Variants in RIMS2 observed in about 807,000 individuals in gnomAD.
The protein encoded by RIMS2 is regulating synaptic membrane exocytosis protein 2.
In RIMS2, 59 loss-of-function variants were observed where a neutral mutation model predicts 174.4. The observed-to-expected ratio is 0.34, with a 90% CI of 0.27 to 0.42. RIMS2 has a LOEUF of 0.42. RIMS2 is among the 10% of genes least tolerant of loss of function. RIMS2 has a pLI of 1.00. For synonymous variants in RIMS2, 606 were observed against 572.5 expected, an observed-to-expected ratio of 1.06 and a Z score of -0.84; for missense variants, 1,620 against 1,666.3, an observed-to-expected ratio of 0.97 and a Z score of 0.48.
intron 3 of RIMS2, among the ~76,000 whole-genome samples, chr8:103,844,471 T>G (rs1478509410): frequency 6.6e-6 from 1 of 152,208 alleles, no homozygotes; most frequent in Non-Finnish European, 1.5e-5. Flanking sequence ...TTCATGACTG[T>G]TGAAGGTTGG....
chr8:103,626,593 A>G (rs2095792261), intron 1 of RIMS2, among the ~76,000 whole-genome samples: 1 of 152,222 alleles, frequency 6.6e-6, no homozygotes, highest in African/African-American at 2.4e-5. Context: ...GCATATATTG[A>G]TCTAATACCA....
chr8:104,046,719 T>C (rs1349254482), intron 19 of RIMS2, among the ~76,000 whole-genome samples: 1 of 152,020 alleles, frequency 6.6e-6, no homozygotes, highest in Non-Finnish European at 1.5e-5. Flanking sequence ...CTCAGTATTA[T>C]TGATGAAAGT....
intron 1 of RIMS2, among the ~76,000 whole-genome samples, chr8:103,525,288 A>G (rs1017299873): frequency 6.6e-6 from 1 of 152,226 alleles, no homozygotes; most frequent in Non-Finnish European, 1.5e-5. Flanking sequence ...AGCAGCAAAA[A>G]TGGCCCCTGT....
Position 103,920,729 on chromosome 8 carries a change from C to T in RIMS2, c.2084-943C>T, listed in dbSNP as rs529994606. On this transcript the variant is annotated intron_variant, in intron 9 of 23. Transcript: ENST00000504942. ...TCCTGGCCTAGCGTGGTGGCTCACG[C>T]GTGTAATCCCAGCACTTTGGGAGGC... is the stretch of plus-strand genomic sequence containing the variant. 5.5e-5 allele frequency: 25 copies of T among 456,230 alleles called. No individual in the cohort carries two copies. The East Asian group carries it at 1.4e-3, about 25-fold the overall frequency. The allele number at this position is 456,230 out of a possible 1,614,324, so 28.3% of individuals were successfully genotyped here. A position where few individuals can be genotyped will look rare whatever the true frequency, so the allele number is the denominator to read the frequency against.
At chr8:103,674,854 A>G (rs2096787943) in intron 1 of RIMS2, among the ~76,000 whole-genome samples, 1 of 149,184 alleles carries the variant, frequency 6.7e-6, no homozygotes, top group Non-Finnish European at 1.5e-5. Flanking sequence ...TAGCATTTTT[A>G]TGCAACATAA....
At chr8:103,815,755 A>G (rs1033122540) in intron 3 of RIMS2, among the ~76,000 whole-genome samples, 1 of 152,184 alleles carries the variant, frequency 6.6e-6, no homozygotes, top group African/African-American at 2.4e-5. Context: ...CATGAACATA[A>G]TTGTTAGAAT....
At chr8:104,223,858 T>G in intron 19 of RIMS2, 1 of 1,378,376 alleles carries the variant, frequency 7.3e-7, no homozygotes, top group Non-Finnish European at 1.0e-6. Context: ...GCTGGAGGGT[T>G]GGCCGGGGCA....
At chr8:103,758,425 G>C (rs944258867) in intron 2 of RIMS2, among the ~76,000 whole-genome samples, 6 of 152,150 alleles carry the variant, frequency 3.9e-5, no homozygotes, top group Admixed American at 3.9e-4. Context: ...AAAGTTACAA[G>C]TGTGTCCCAC....
At chr8:104,037,161 T>C (rs1218212059) in intron 19 of RIMS2, among the ~76,000 whole-genome samples, 1 of 152,148 alleles carries the variant, frequency 6.6e-6, no homozygotes, top group African/African-American at 2.4e-5. Context: ...AGCATTTAGT[T>C]TTTATAGGAG....
At chr8:103,645,600 A>T (rs919242001) in intron 1 of RIMS2, among the ~76,000 whole-genome samples, 1 of 152,142 alleles carries the variant, frequency 6.6e-6, no homozygotes, top group Non-Finnish European at 1.5e-5. Flanking sequence ...TCACATAGTC[A>T]TAAGTTTACC....
intron 19 of RIMS2, among the ~76,000 whole-genome samples, chr8:104,125,087 A>G (rs761990473): frequency 3.3e-5 from 5 of 152,068 alleles, no homozygotes; most frequent in Non-Finnish European, 5.9e-5. Flanking sequence ...CTAAAATCCA[A>G]ACAGTATATA....
intron 1 of RIMS2, among the ~76,000 whole-genome samples, chr8:103,614,975 A>G (rs1046441364): frequency 4.6e-5 from 7 of 152,188 alleles, no homozygotes; most frequent in African/African-American, 1.7e-4. Flanking sequence ...AGAAATTTCT[A>G]TCTCATTACA....
At chr8:103,869,731 AGTT>A (rs1594213686) in intron 3 of RIMS2, among the ~76,000 whole-genome samples, 1 of 152,176 alleles carries the variant, frequency 6.6e-6, no homozygotes, top group Non-Finnish European at 1.5e-5. Context: ...CACTTATACA[AGTT>A]GGGCTTGTAT....
intron 19 of RIMS2, among the ~76,000 whole-genome samples, chr8:104,153,253 G>T (rs2098701185): frequency 6.6e-6 from 1 of 152,068 alleles, no homozygotes; most frequent in African/African-American, 2.4e-5. Context: ...TAACCTAGTA[G>T]AGAGCATATA....
rs984976476 is a variant in RIMS2, at chr8:104,004,277, G to A, written c.3045-9165G>A. Reference sequence around the variant, plus strand: ...TCTGAGAAACAACCCATGAAATGAGGGCTTAGAAGTTTTTCCCTGCCTGAG... The same window carrying A: ...TCTGAGAAACAACCCATGAAATGAGAGCTTAGAAGTTTTTCCCTGCCTGAG... On this transcript the variant is annotated intron_variant, in intron 17 of 23. Transcript: ENST00000504942. 2.6e-5 allele frequency among the ~76,000 whole-genome samples: 4 copies of A among 152,264 alleles called. 1 individual carries two copies. The highest frequency in any genetic ancestry group is 4.1e-4 in the South Asian group (2 of 4,822).
chr8:103,854,580 G>A (rs1006406012), intron 3 of RIMS2, among the ~76,000 whole-genome samples: 1 of 151,604 alleles, frequency 6.6e-6, no homozygotes, highest in African/African-American at 2.4e-5. Context: ...ATGAAGAGAT[G>A]TTGGATTTCA....
chr8:103,629,328 A>G (rs570146060), intron 1 of RIMS2, among the ~76,000 whole-genome samples: 1 of 152,380 alleles, frequency 6.6e-6, no homozygotes, highest in East Asian at 1.9e-4. Context: ...CAGACAATGC[A>G]TGAAGCTGAC....
intron 19 of RIMS2, among the ~76,000 whole-genome samples, chr8:104,055,495 G>A (rs1211518784): frequency 1.3e-5 from 2 of 152,060 alleles, no homozygotes; most frequent in Non-Finnish European, 2.9e-5. Flanking sequence ...GAATTTGGCT[G>A]ATATTTGTAT....
In RIMS2 at chr8:103,969,331, G is replaced by A. The variant is rs540394127; in HGVS notation, c.2771-6019G>A. On this transcript the variant is annotated intron_variant, in intron 15 of 23. Coordinates refer to ENST00000504942, the Ensembl canonical transcript of RIMS2. ...TTTCTGGTATTCTCATTACAAATAT[G>A]TTATACCTTGTGTAGTTGTCCCACA... Among the ~76,000 whole-genome samples, 4 of 151,964 alleles carry A rather than the reference G, an allele frequency of 2.6e-5. No individual in the cohort carries two copies. In the East Asian group the frequency reaches 7.7e-4, roughly 29 times the overall value.
Sources: allele counts gnomAD v4.1 joint callset (sites outside exome capture counted in the v4.1 genomes callset), GRCh38; gene constraint gnomAD v4.1.1; transcripts MANE v1.5; gene names NCBI Gene and HGNC (gene_info 2026-07-23, HGNC 2026-07-21).